ZUP1: variants seen among roughly 807,000 people sequenced by gnomAD.
ZUP1 encodes zinc finger-containing ubiquitin peptidase 1.
In ZUP1, 55 loss-of-function variants were observed where a neutral mutation model predicts 68.1. The observed-to-expected ratio is 0.81, with a 90% confidence interval of 0.65 to 1.01. The LOEUF is 1.01. ZUP1 is among the 50% of genes least tolerant of loss of function. The pLI is 0.00. For synonymous variants in ZUP1, 223 were observed against 221.5 expected, an observed-to-expected ratio of 1.01 and a Z score of -0.06; for missense variants, 684 against 674.9, an observed-to-expected ratio of 1.01 and a Z score of -0.15.
chr6:116,659,841 T>C (rs1040226331), intron 3 of ZUP1, among the ~76,000 whole-genome samples: 3 of 152,174 alleles, frequency 2.0e-5, no homozygotes, highest in African/African-American at 7.2e-5. Flanking sequence ...TCACTGACTA[T>C]TCTTCCTTTC....
At chr6:116,649,238 C>T (rs1776406297) in intron 7 of ZUP1, among the ~76,000 whole-genome samples, 1 of 151,884 alleles carries the variant, frequency 6.6e-6, no homozygotes, top group Non-Finnish European at 1.5e-5. Flanking sequence ...GAATGTGATA[C>T]ACTGGTTAAA....
intron 8 of ZUP1, among the ~76,000 whole-genome samples, chr6:116,646,657 C>A (rs1417165695): frequency 6.6e-6 from 1 of 152,164 alleles, no homozygotes; most frequent in Non-Finnish European, 1.5e-5. Flanking sequence ...TCACTATAGC[C>A]CCCAACTCCA....
intron 2 of ZUP1, among the ~76,000 whole-genome samples, chr6:116,666,022 T>C (rs1230293614): frequency 6.6e-6 from 1 of 152,110 alleles, no homozygotes; most frequent in Non-Finnish European, 1.5e-5. Context: ...AAATTTACAA[T>C]TATAATCAGG....
At chr6:116,646,014 A>G in intron 8 of ZUP1, 80 bp from the exon 9 acceptor site, 1 of 978,062 alleles carries the variant, frequency 1.0e-6, no homozygotes, top group South Asian at 1.7e-5. Context: ...ATGTTGTGTG[A>G]TCATATGTGT....
intron 5 of ZUP1, among the ~76,000 whole-genome samples, chr6:116,653,446 A>C (rs1367544883): frequency 6.6e-6 from 1 of 152,042 alleles, no homozygotes; most frequent in Non-Finnish European, 1.5e-5. Flanking sequence ...TTCCTAGAAG[A>C]AAATGGGTTT....
intron 5 of ZUP1, among the ~76,000 whole-genome samples, chr6:116,656,022 T>C (rs1466361570): frequency 1.3e-5 from 2 of 152,208 alleles, no homozygotes; most frequent in Non-Finnish European, 2.9e-5. Flanking sequence ...ATATCATGGA[T>C]ACACTGGTTT....
chr6:116,667,945 T>G (rs957943718), intron 1 of ZUP1, among the ~76,000 whole-genome samples: 1 of 152,214 alleles, frequency 6.6e-6, no homozygotes, highest in East Asian at 1.9e-4. Context: ...AAGACTACTG[T>G]AAAATCCAAA....
chr6:116,648,615 A>C (rs1776385911), intron 7 of ZUP1, among the ~76,000 whole-genome samples: 1 of 152,200 alleles, frequency 6.6e-6, no homozygotes, highest in South Asian at 2.1e-4. Context: ...CACACTCAGG[A>C]TATATTAATA....
chr6:116,638,054 A>T (rs1262428637), intron 9 of ZUP1, among the ~76,000 whole-genome samples: 2 of 135,644 alleles, frequency 1.5e-5, no homozygotes, highest in Admixed American at 8.0e-5. Flanking sequence ...TGACAGAGTG[A>T]GAGTCGGTCT....
rs1776266662 is a variant in ZUP1, at chr6:116,645,591, A to G, written c.1689+123T>C. 5 of 769,918 alleles carry G rather than the reference A, an allele frequency of 6.5e-6. No individual in the cohort carries two copies. The African/African-American group carries it at 7.2e-5, about 11-fold the overall frequency. The allele number at this position is 769,918 out of a possible 1,614,324, so 47.7% of individuals were successfully genotyped here. On this transcript the variant is annotated intron_variant, in intron 9 of 9. Transcript: ENST00000368576. Reference sequence around the variant, plus strand: ...GAGTGAGACCCTGTCTCCAAAAAAAAAAAAAAAAAAGAAAAAGAATAGAAA... The same window carrying G: ...GAGTGAGACCCTGTCTCCAAAAAAAGAAAAAAAAAAGAAAAAGAATAGAAA...
intron 7 of ZUP1, among the ~76,000 whole-genome samples, chr6:116,648,572 G>C (rs887256719): frequency 3.3e-5 from 5 of 152,268 alleles, no homozygotes; most frequent in South Asian, 2.1e-4. Flanking sequence ...CTCATAGAGA[G>C]AGCAACAGAA....
rs768636217 is a variant in ZUP1, at chr6:116,666,883, C to A, written c.310G>T (p.Ala104Ser). 6.2e-7 allele frequency: 1 copy of A among 1,610,864 alleles called. No individual in the cohort carries two copies. Among genetic ancestry groups the A allele is most frequent in the South Asian group, 1.1e-5 (1 of 90,308 alleles). Residue 104 changes from alanine (A) to serine (S), a missense_variant, in exon 2 of 10, where the codon GCT becomes TCT. Physicochemically the swap from Ala to Ser is moderately conservative, Grantham distance 99 (BLOSUM62 1). Transcript: ENST00000368576. The part of the protein sequence containing the change: ...GCASNHPKNS[A>S]QNLTKDSTLK... ...GTACTATCTTTAGTCAGGTTTTGAG[C>A]TGAATTTTTTGGATGATTAGATGCA...
chr6:116,651,898 T>C (rs1014541232), intron 6 of ZUP1, 106 bp downstream of exon 6: 28 of 1,412,780 alleles, frequency 2.0e-5, no homozygotes, highest in Non-Finnish European at 2.5e-5. Flanking sequence ...AGGTTTCTTA[T>C]ATAAATATCC....
intron 9 of ZUP1, among the ~76,000 whole-genome samples, chr6:116,644,955 T>G (rs996938950): frequency 5.3e-5 from 8 of 152,006 alleles, no homozygotes; most frequent in Admixed American, 5.2e-4. Context: ...GGGCATTTAA[T>G]GACTACTGTT....
chr6:116,666,219 C>G (rs1020704933), intron 2 of ZUP1, among the ~76,000 whole-genome samples: 6 of 152,020 alleles, frequency 3.9e-5, no homozygotes. Flanking sequence ...CAAGATAGCT[C>G]GTGTCTTGAG....
intron 9 of ZUP1, among the ~76,000 whole-genome samples, chr6:116,641,227 C>A (rs1354768166): frequency 6.6e-6 from 1 of 151,360 alleles, no homozygotes; most frequent in African/African-American, 2.4e-5. Context: ...TAGACTCCCA[C>A]ACAATAATAA....
At chr6:116,652,794 C>A (rs1776554368) in intron 5 of ZUP1, among the ~76,000 whole-genome samples, 1 of 152,112 alleles carries the variant, frequency 6.6e-6, no homozygotes, top group South Asian at 2.1e-4. Context: ...TAAGGCAGAA[C>A]AATAGGTTTA....
At chr6:116,647,332 C>G in intron 8 of ZUP1, 127 bp downstream of exon 8, 1 of 810,438 alleles carries the variant, frequency 1.2e-6, no homozygotes, top group South Asian at 3.5e-5. Context: ...GCACTCCAGC[C>G]TGAGCAACAG....
chr6:116,665,122 A>G (rs1396598819), intron 2 of ZUP1, among the ~76,000 whole-genome samples: 1 of 152,152 alleles, frequency 6.6e-6, no homozygotes, highest in Non-Finnish European at 1.5e-5. Context: ...AAAGCAACTG[A>G]AAAAAACTCA....
Sources: gnomAD v4.1 joint callset for allele counts (sites outside exome capture counted in the v4.1 genomes callset) on GRCh38, gnomAD v4.1.1 for gene constraint, MANE v1.5 for transcripts, NCBI Gene and HGNC (gene_info 2026-07-23, HGNC 2026-07-21) for gene names.